The following MACROD2 variants were observed in gnomAD, a reference collection of about 807,000 sequenced individuals.
MACROD2 encodes the protein ADP-ribose glycohydrolase MACROD2.
Under a neutral mutation model 70.4 loss-of-function variants are expected in MACROD2, and 36 were observed. The observed-to-expected ratio is 0.51, with a 90% CI of 0.39 to 0.68. The LOEUF is 0.68. Ranked by LOEUF, MACROD2 falls within the 30% of genes least tolerant of loss-of-function variation. The pLI is 0.00. For synonymous variants in MACROD2, 172 were observed against 178.8 expected, an observed-to-expected ratio of 0.96 and a Z score of 0.30; for missense variants, 496 against 538.4, an observed-to-expected ratio of 0.92 and a Z score of 0.78.
chr20:14,887,893 T>C (rs2073701027), intron 5 of MACROD2, among the ~76,000 whole-genome samples: 1 of 151,660 alleles, frequency 6.6e-6, no homozygotes, highest in Non-Finnish European at 1.5e-5. Context: ...TGTTCAGCTC[T>C]TTTGTTTAAA....
chr20:15,426,177 C>G (rs1015821190), intron 6 of MACROD2, among the ~76,000 whole-genome samples: 3 of 144,804 alleles, frequency 2.1e-5, no homozygotes, highest in Admixed American at 7.0e-5. Flanking sequence ...TCCCCCTCTG[C>G]GAGAAACACC....
chr20:14,930,766 T>TAAAAAA lies in MACROD2; in HGVS notation c.418+245826_418+245831dup, dbSNP rs11474347. 2.5e-3 allele frequency among the ~76,000 whole-genome samples: 182 copies of TAAAAAA among 71,628 alleles called. 4 individuals carry two copies. The highest frequency in any genetic ancestry group is 3.7e-3 in the Non-Finnish European group (148 of 40,436). The allele number at this position is 71,628 out of a possible 152,430, so 47.0% of individuals were successfully genotyped here. ...TGGGAAACATAGGGAGAGCGTGTCT[T>TAAAAAA]AAAAAAAAAAAAAAAAAAAAAAAAG... On this transcript the variant is annotated intron_variant, in intron 5 of 17. Coordinates refer to ENST00000684519, the MANE Select transcript of MACROD2 (RefSeq NM_001351661.2).
chr20:15,484,553 AC>A (rs1167194254), intron 7 of MACROD2, among the ~76,000 whole-genome samples: 1 of 151,994 alleles, frequency 6.6e-6, no homozygotes, highest in African/African-American at 2.4e-5. Flanking sequence ...ATCTGATAGA[AC>A]CCCAATAGTT....
intron 6 of MACROD2, among the ~76,000 whole-genome samples, chr20:15,318,675 A>G (rs2146166282): frequency 6.6e-6 from 1 of 152,298 alleles, no homozygotes; most frequent in South Asian, 2.1e-4. Flanking sequence ...ATAAGATAAC[A>G]GCAATCAATG....
intron 5 of MACROD2, among the ~76,000 whole-genome samples, chr20:14,927,670 G>C (rs116068501): frequency 0.012 from 1,758 of 152,200 alleles, 34 homozygotes; most frequent in African/African-American, 0.04. Context: ...CTATAGTATA[G>C]CAATCAAAGT....
chr20:14,967,863 A>G (rs1416128083), intron 5 of MACROD2, among the ~76,000 whole-genome samples: 2 of 152,130 alleles, frequency 1.3e-5, no homozygotes, highest in Admixed American at 6.5e-5. Context: ...TAAATTTTAT[A>G]TAACCTACCC....
At chr20:15,938,802 G>T (rs1249416278) in intron 12 of MACROD2, among the ~76,000 whole-genome samples, 1 of 152,184 alleles carries the variant, frequency 6.6e-6, no homozygotes, top group Non-Finnish European at 1.5e-5. Flanking sequence ...GGCCTCTTGT[G>T]CCTAGTTGTG....
chr20:16,039,943 A>G (rs1287162946), intron 15 of MACROD2, among the ~76,000 whole-genome samples: 1 of 151,866 alleles, frequency 6.6e-6, no homozygotes, highest in Admixed American at 6.6e-5. Flanking sequence ...CATACTATGA[A>G]TGTTACCCTA....
At chr20:15,746,487 G>A (rs2051184412) in intron 8 of MACROD2, among the ~76,000 whole-genome samples, 1 of 139,606 alleles carries the variant, frequency 7.2e-6, no homozygotes, top group Admixed American at 7.6e-5. Flanking sequence ...TTACCATTTA[G>A]TTTTACTTGC....
intron 5 of MACROD2, among the ~76,000 whole-genome samples, chr20:15,099,144 C>T (rs1472800561): frequency 6.6e-6 from 1 of 152,092 alleles, no homozygotes; most frequent in Non-Finnish European, 1.5e-5. Flanking sequence ...CTTAGAAGCC[C>T]CAAACATTGT....
intron 3 of MACROD2, among the ~76,000 whole-genome samples, chr20:14,218,597 G>T (rs1413368268): frequency 6.6e-6 from 1 of 151,920 alleles, no homozygotes; most frequent in African/African-American, 2.4e-5. Flanking sequence ...TTGTGTGTTT[G>T]CTTTTTAACT....
At chr20:15,401,054 T>G (rs552362183) in intron 6 of MACROD2, among the ~76,000 whole-genome samples, 4 of 152,076 alleles carry the variant, frequency 2.6e-5, no homozygotes, top group African/African-American at 9.6e-5. Context: ...TTTTTTTTTT[T>G]TGAGACGGAG....
intron 3 of MACROD2, chr20:14,337,390 T>A: frequency 8.6e-5 from 25 of 290,902 alleles, no homozygotes; most frequent in Non-Finnish European, 1.2e-4. Context: ...AGAAAAAACA[T>A]GGAAAACACT....
At chr20:15,996,445 T>C (rs2066633636) in intron 15 of MACROD2, among the ~76,000 whole-genome samples, 1 of 152,232 alleles carries the variant, frequency 6.6e-6, no homozygotes, top group Non-Finnish European at 1.5e-5. Flanking sequence ...AAATGTTTGG[T>C]ATAATTCACC....
intron 8 of MACROD2, among the ~76,000 whole-genome samples, chr20:15,533,550 T>G (rs1172040957): frequency 1.2e-4 from 8 of 67,238 alleles, no homozygotes; most frequent in East Asian, 4.7e-4. Flanking sequence ...TGTCGCTCTC[T>G]CTCTCTCTCT....
chr20:14,661,053 G>A (rs1216941042), intron 4 of MACROD2, among the ~76,000 whole-genome samples: 2 of 152,008 alleles, frequency 1.3e-5, no homozygotes, highest in Non-Finnish European at 2.9e-5. Context: ...TCATTTTCCT[G>A]TGGGTATATA....
chr20:14,453,930 A>T (rs939767435), intron 3 of MACROD2, among the ~76,000 whole-genome samples: 8 of 151,866 alleles, frequency 5.3e-5, no homozygotes, highest in African/African-American at 1.9e-4. Flanking sequence ...GAGTTTTCAT[A>T]CCTTAATTTA....
intron 6 of MACROD2, among the ~76,000 whole-genome samples, chr20:15,361,412 A>G (rs1275015554): frequency 6.6e-6 from 1 of 152,178 alleles, no homozygotes; most frequent in Non-Finnish European, 1.5e-5. Context: ...CACTATTACG[A>G]TGTATTGATC....
chr20:15,341,495 G>T (rs1485252043), intron 6 of MACROD2, among the ~76,000 whole-genome samples: 1 of 152,102 alleles, frequency 6.6e-6, no homozygotes, highest in Non-Finnish European at 1.5e-5. Context: ...TATATACTTG[G>T]GCTTAACTAT....
Sources: gnomAD v4.1 joint callset for allele counts (sites outside exome capture counted in the v4.1 genomes callset) on GRCh38, gnomAD v4.1.1 for gene constraint, MANE v1.5 for transcripts, NCBI Gene and HGNC (gene_info 2026-07-23, HGNC 2026-07-21) for gene names.